The following CCDC91 variants were observed in gnomAD, a reference collection of about 807,000 sequenced individuals.
The protein encoded by CCDC91 is coiled-coil domain containing 91, also known as coiled-coil domain-containing protein 91.
Under a neutral mutation model 63.2 loss-of-function variants are expected in CCDC91, and 48 were observed. The ratio of observed to expected loss-of-function variants is 0.76; its 90% CI spans 0.60 to 0.97. The LOEUF (loss-of-function observed/expected upper bound fraction) is 0.97. Ranked by LOEUF, CCDC91 falls within the 50% of genes least tolerant of loss-of-function variation. The pLI is 0.00. For synonymous variants in CCDC91, 167 were observed against 165.8 expected (o/e 1.01, Z -0.06); for missense variants, 500 against 494.6 (o/e 1.01, Z -0.10).
At chr12:28,286,167 T>C (rs1452507538) in intron 3 of CCDC91, among the ~76,000 whole-genome samples, 1 of 152,098 alleles carries the variant, frequency 6.6e-6, no homozygotes. Flanking sequence ...GTTTTTTTTT[T>C]CTTATCTAAG....
intron 3 of CCDC91, among the ~76,000 whole-genome samples, chr12:28,279,193 G>T (rs572760004): frequency 8.6e-5 from 13 of 150,858 alleles, no homozygotes; most frequent in African/African-American, 3.2e-4. Context: ...TTTCTTCACT[G>T]TACTTGTATT....
At chr12:28,493,773 T>C (rs1303270746) in intron 12 of CCDC91, among the ~76,000 whole-genome samples, 1 of 151,660 alleles carries the variant, frequency 6.6e-6, no homozygotes, top group Non-Finnish European at 1.5e-5. Context: ...AACAAAAATG[T>C]GCTCACTCAT....
chr12:28,306,700 A>T, intron 4 of CCDC91, 42 bp from the exon 5 acceptor site: 1 of 1,410,600 alleles, frequency 7.1e-7, no homozygotes, highest in Non-Finnish European at 9.8e-7. Context: ...GGTATAGTGT[A>T]AACTTTCCTC....
At chr12:28,419,765 T>TG (rs1344796990) in intron 8 of CCDC91, among the ~76,000 whole-genome samples, 1 of 151,926 alleles carries the variant, frequency 6.6e-6, no homozygotes, top group Non-Finnish European at 1.5e-5. Flanking sequence ...TTTTTTTTTT[T>TG]TTGTTCTTTG....
intron 6 of CCDC91, among the ~76,000 whole-genome samples, chr12:28,346,261 T>G (rs1942803132): frequency 6.6e-6 from 1 of 152,204 alleles, no homozygotes; most frequent in African/African-American, 2.4e-5. Context: ...TTTTTCTGAT[T>G]GAAAACCATA....
intron 12 of CCDC91, among the ~76,000 whole-genome samples, chr12:28,541,026 G>A (rs1942592623): frequency 6.6e-6 from 1 of 152,104 alleles, no homozygotes; most frequent in Non-Finnish European, 1.5e-5. Context: ...TACAACTTCA[G>A]TAAAGAACAT....
intron 6 of CCDC91, among the ~76,000 whole-genome samples, chr12:28,334,865 C>T (rs970107154): frequency 4.0e-5 from 6 of 151,582 alleles, no homozygotes; most frequent in Non-Finnish European, 8.8e-5. Flanking sequence ...TAGCATATGC[C>T]CTAGAGTGTG....
At chr12:28,204,834 T>TA (rs1211696875) in intron 1 of CCDC91, among the ~76,000 whole-genome samples, 4 of 152,210 alleles carry the variant, frequency 2.6e-5, no homozygotes, top group Non-Finnish European at 4.4e-5. Context: ...GTGTAAAATA[T>TA]AAAAAATCAA....
At chr12:28,252,295 G>T (rs12821140) in intron 1 of CCDC91, among the ~76,000 whole-genome samples, 1 of 151,698 alleles carries the variant, frequency 6.6e-6, no homozygotes, top group Non-Finnish European at 1.5e-5. Flanking sequence ...CCCATTACTG[G>T]ATATAATATC....
Position 28,194,389 on chromosome 12 carries a change from C to T in CCDC91, c.-15+3748C>T, listed in dbSNP as rs117265902. 7.4e-4 allele frequency among the ~76,000 whole-genome samples: 113 copies of T among 152,262 alleles called. No homozygotes were observed. The East Asian group carries it at 0.019, about 26-fold the overall frequency. On this transcript the variant is annotated intron_variant, in intron 1 of 12. Coordinates refer to ENST00000536442, the MANE Select transcript of CCDC91 (RefSeq NM_018318.5). ...GTCTTGCTGACCTCAAGAATGAAGG[C>T]ACGGACCCTCGCAGTGAGTGTTACA... is the stretch of plus-strand genomic sequence containing the variant.
intron 6 of CCDC91, among the ~76,000 whole-genome samples, chr12:28,359,325 C>T (rs1943724966): frequency 6.6e-6 from 1 of 152,118 alleles, no homozygotes; most frequent in Non-Finnish European, 1.5e-5. Context: ...CATTTATTTT[C>T]AATTTGTAAT....
rs559141810 is a variant in CCDC91 at position 28,246,385 on chromosome 12, A to C, written c.-14-10817A>C. Among the ~76,000 whole-genome samples, 3 of 152,220 alleles carry C rather than the reference A, an allele frequency of 2.0e-5. No homozygotes were observed. The East Asian group carries it at 5.8e-4, about 29-fold the overall frequency. On this transcript the variant is annotated intron_variant, in intron 1 of 12. Coordinates refer to ENST00000536442, the MANE Select transcript of CCDC91 (RefSeq NM_018318.5). ...TGATTACTATGTGACACTTTTCTCT[A>C]TTATTTGTTGTATAGAGCACATTCT...
At chr12:28,528,128 A>G (rs1330344392) in intron 12 of CCDC91, among the ~76,000 whole-genome samples, 1 of 152,120 alleles carries the variant, frequency 6.6e-6, no homozygotes, top group African/African-American at 2.4e-5. Flanking sequence ...AGACTTCTCA[A>G]TCGGTTCAAA....
chr12:28,462,512 A>G (rs1298040232), intron 11 of CCDC91, among the ~76,000 whole-genome samples: 2 of 152,096 alleles, frequency 1.3e-5, no homozygotes, highest in African/African-American at 4.8e-5. Flanking sequence ...GTAAGAAGCT[A>G]TAATCTAGTG....
At chr12:28,433,936 A>G (rs568777277) in intron 8 of CCDC91, among the ~76,000 whole-genome samples, 5 of 151,936 alleles carry the variant, frequency 3.3e-5, no homozygotes, top group East Asian at 3.9e-4. Context: ...GGTAATTACT[A>G]TTTCCTTTGT....
intron 12 of CCDC91, among the ~76,000 whole-genome samples, chr12:28,499,355 TTTA>T (rs140985245): frequency 6.6e-6 from 1 of 150,966 alleles, no homozygotes; most frequent in Non-Finnish European, 1.5e-5. Flanking sequence ...GCACCTCACT[TTTA>T]TTATTATTAT....
chr12:28,372,737 T>G (rs1303999744), intron 7 of CCDC91, among the ~76,000 whole-genome samples: 2 of 152,144 alleles, frequency 1.3e-5, no homozygotes, highest in African/African-American at 4.8e-5. Context: ...TGGAGGAGTC[T>G]TTGGGGTTTT....
At chr12:28,244,519 T>TTTTTTG in intron 1 of CCDC91, among the ~76,000 whole-genome samples, 1 of 144,110 alleles carries the variant, frequency 6.9e-6, no homozygotes, top group African/African-American at 2.6e-5. Flanking sequence ...TTTTTTTTTT[T>TTTTTTG]TTTTTTTACA....
At chr12:28,448,341 A>T (rs1200730694) in intron 8 of CCDC91, among the ~76,000 whole-genome samples, 2 of 152,172 alleles carry the variant, frequency 1.3e-5, no homozygotes, top group East Asian at 3.9e-4. Flanking sequence ...AAGTATGAGA[A>T]AAGCCAGTAA....
Sources: allele counts gnomAD v4.1 joint callset (sites outside exome capture counted in the v4.1 genomes callset), GRCh38; gene constraint gnomAD v4.1.1; transcripts MANE v1.5; gene names NCBI Gene and HGNC (gene_info 2026-07-23, HGNC 2026-07-21).